The following SORCS1 variants were observed in gnomAD, a reference collection of about 807,000 sequenced individuals.
SORCS1 encodes sortilin related VPS10 domain containing receptor 1.
In SORCS1, 60 loss-of-function variants were observed where a neutral mutation model predicts 146.1. That is an observed-to-expected ratio of 0.41 (90% confidence interval 0.33 to 0.51). SORCS1 has a LOEUF of 0.51. Ranked by LOEUF, SORCS1 falls within the 20% of genes least tolerant of loss-of-function variation. SORCS1 has a pLI of 0.21. For synonymous variants in SORCS1, 637 were observed against 584.0 expected (o/e 1.09, Z -1.31); for missense variants, 1,352 against 1,487.6 (o/e 0.91, Z 1.50).
intron 2 of SORCS1, among the ~76,000 whole-genome samples, chr10:106,943,927 C>T (rs1328984270): frequency 6.6e-6 from 1 of 152,174 alleles, no homozygotes; most frequent in Non-Finnish European, 1.5e-5. Context: ...ATGTCCAAGA[C>T]AAAAGTGAGA....
intron 24 of SORCS1, among the ~76,000 whole-genome samples, chr10:106,584,956 T>A (rs1187777271): frequency 6.6e-6 from 1 of 152,132 alleles, no homozygotes; most frequent in African/African-American, 2.4e-5. Flanking sequence ...GGCTACTATG[T>A]GAAATATTCC....
intron 2 of SORCS1, among the ~76,000 whole-genome samples, chr10:106,906,816 C>T (rs1951928463): frequency 6.6e-6 from 1 of 152,236 alleles, no homozygotes; most frequent in South Asian, 2.1e-4. Flanking sequence ...TGCTTGGATT[C>T]CAAAGCATCT....
At chr10:107,160,604 T>G (rs1468732995) in intron 1 of SORCS1, among the ~76,000 whole-genome samples, 6 of 152,144 alleles carry the variant, frequency 3.9e-5, no homozygotes, top group Non-Finnish European at 8.8e-5. Flanking sequence ...AAAGATGTCA[T>G]CATGGAAAAA....
At chr10:106,598,234 T>TTG (rs1564759540) in intron 23 of SORCS1, among the ~76,000 whole-genome samples, 2 of 133,128 alleles carry the variant, frequency 1.5e-5, no homozygotes, top group African/African-American at 6.1e-5. Context: ...AACACTCCTA[T>TTG]TATATTATTA....
chr10:107,106,990 C>T (rs1024301758), intron 1 of SORCS1, among the ~76,000 whole-genome samples: 2 of 152,118 alleles, frequency 1.3e-5, no homozygotes, highest in Admixed American at 6.6e-5. Context: ...TCCAGGACTT[C>T]GAGAAATAAT....
intron 2 of SORCS1, among the ~76,000 whole-genome samples, chr10:106,918,786 C>T (rs1357545894): frequency 6.6e-6 from 1 of 152,180 alleles, no homozygotes; most frequent in Non-Finnish European, 1.5e-5. Flanking sequence ...CAGGAGCTTT[C>T]ATAATAACTT....
At chr10:107,044,249 T>C (rs914068120) in intron 1 of SORCS1, among the ~76,000 whole-genome samples, 2 of 151,900 alleles carry the variant, frequency 1.3e-5, no homozygotes, top group African/African-American at 2.4e-5. Context: ...CATCACCTCA[T>C]TAAACAAGAA....
At chr10:106,586,263 T>C (rs922860730) in intron 24 of SORCS1, among the ~76,000 whole-genome samples, 1 of 152,220 alleles carries the variant, frequency 6.6e-6, no homozygotes, top group Non-Finnish European at 1.5e-5. Flanking sequence ...AAGGGGGCGC[T>C]ATTAAAGCTT....
chr10:107,164,279 C>T lies in SORCS1; in HGVS notation c.248G>A (p.Gly83Glu). 6.3e-7 allele frequency: 1 copy of T among 1,598,232 alleles called. No homozygotes were observed. The highest frequency in any genetic ancestry group is 1.1e-5 in the South Asian group (1 of 90,102). Reference protein sequence around the residue: ...VVRPLFSVAPGDRALSLERAR... With the variant: ...VVRPLFSVAPEDRALSLERAR... ...CCGCTCCAGGGATAGCGCTCGGTCC[C>T]CGGGGGCCACTGAGAACAGGGGACG... Residue 83 changes from glycine to glutamate, a missense_variant, in exon 1 of 26, where the codon GGG (glycine) becomes GAG (glutamate). Around this residue, in one of 3 missense-constraint regions of SORCS1, gnomAD observed 490 missense variants for 489.1 expected, o/e 1.00. Transcript: ENST00000263054. The surrounding 1 kb of genome is among the most constrained non-coding windows in gnomAD (Gnocchi z 6.8).
intron 1 of SORCS1, among the ~76,000 whole-genome samples, chr10:107,008,933 G>GC (rs1376055211): frequency 1.3e-5 from 2 of 152,206 alleles, no homozygotes; most frequent in Non-Finnish European, 2.9e-5. Context: ...AGAGGTGGAG[G>GC]CTGCAGTGAG....
chr10:106,858,385 C>T (rs1035728009), intron 2 of SORCS1, among the ~76,000 whole-genome samples: 6 of 151,110 alleles, frequency 4.0e-5, no homozygotes, highest in Non-Finnish European at 5.9e-5. Flanking sequence ...TTGGGGAAGC[C>T]GAGGCAGGCG....
chr10:106,784,139 T>G (rs1319889621), intron 3 of SORCS1, among the ~76,000 whole-genome samples: 1 of 152,196 alleles, frequency 6.6e-6, no homozygotes, highest in East Asian at 1.9e-4. Flanking sequence ...CTCACGCCTG[T>G]AATCCCAGCA....
intron 1 of SORCS1, among the ~76,000 whole-genome samples, chr10:106,973,420 T>C (rs1315553821): frequency 6.6e-6 from 1 of 151,984 alleles, no homozygotes; most frequent in Non-Finnish European, 1.5e-5. Flanking sequence ...AAAATGCAAA[T>C]CTCCCAGGAA....
At chr10:106,676,001 T>C (rs1851997329) in intron 13 of SORCS1, among the ~76,000 whole-genome samples, 1 of 152,194 alleles carries the variant, frequency 6.6e-6, no homozygotes, top group Non-Finnish European at 1.5e-5. Context: ...TAATTTCCGT[T>C]GTTTATAAGC....
At chr10:107,089,835 C>T (rs940729639) in intron 1 of SORCS1, among the ~76,000 whole-genome samples, 1 of 152,158 alleles carries the variant, frequency 6.6e-6, no homozygotes, top group Non-Finnish European at 1.5e-5. Flanking sequence ...AAACTAGATT[C>T]AAGTTACTGT....
intron 24 of SORCS1, 69 bp downstream of exon 24, chr10:106,597,282 G>T: frequency 7.9e-7 from 1 of 1,268,210 alleles, no homozygotes; most frequent in Admixed American, 1.8e-5. Flanking sequence ...TTTTTATGAG[G>T]AAGGAAGCAC....
intron 1 of SORCS1, among the ~76,000 whole-genome samples, chr10:107,090,567 CAG>C (rs1409063230): frequency 6.6e-6 from 1 of 152,018 alleles, no homozygotes; most frequent in East Asian, 1.9e-4. Context: ...TATTAAATGA[CAG>C]AAGGTAATTA....
chr10:106,589,529 C>A (rs71475411), intron 24 of SORCS1, among the ~76,000 whole-genome samples: 5 of 152,110 alleles, frequency 3.3e-5, no homozygotes, highest in Non-Finnish European at 5.9e-5. Context: ...ACCTGATGAT[C>A]TGCTATGAGA....
chr10:106,666,032 G>A (rs1304656842), intron 17 of SORCS1, among the ~76,000 whole-genome samples: 1 of 152,140 alleles, frequency 6.6e-6, no homozygotes, highest in African/African-American at 2.4e-5. Context: ...AGTAGAGACA[G>A]GTTTTCACCA....
Sources: gnomAD v4.1 joint callset for allele counts (sites outside exome capture counted in the v4.1 genomes callset) on GRCh38, gnomAD v4.1.1 for gene constraint, gnomAD v4.1.1 regional missense constraint, Gnocchi (gnomAD v3.1) non-coding constraint, MANE v1.5 for transcripts, NCBI Gene and HGNC (gene_info 2026-07-23, HGNC 2026-07-21) for gene names.